SMG7: variants seen among roughly 807,000 people sequenced by gnomAD.
The protein encoded by SMG7 is nonsense-mediated mRNA decay factor SMG7.
A neutral mutation model predicts 148.2 loss-of-function variants in SMG7; 34 were observed. That is an observed-to-expected ratio of 0.23 (90% CI 0.17 to 0.31). SMG7 has a LOEUF of 0.31. Ranked by LOEUF, SMG7 falls within the 10% of genes least tolerant of loss-of-function variation. The probability of loss-of-function intolerance (pLI) is 1.00; values close to 1 mark genes in which losing one functional copy is unlikely to be tolerated. For missense variants in SMG7, 1,114 were observed against 1,408.4 expected (o/e 0.79, Z 3.35); for synonymous variants, 492 against 515.1 (o/e 0.96, Z 0.61).
chr1:183,510,159 A>G (rs1183890406), intron 1 of SMG7, among the ~76,000 whole-genome samples: 1 of 152,180 alleles, frequency 6.6e-6, no homozygotes, highest in East Asian at 1.9e-4. Flanking sequence ...AGGGAAGCAT[A>G]GTAAAGTATA....
At position 183,544,391 on chromosome 1, in the gene SMG7, T is replaced by C. The variant is rs1162127156; in HGVS notation, c.1881T>C (p.Ser627=). 12 of 1,613,906 alleles carry C rather than the reference T, an allele frequency of 7.4e-6. No homozygotes were observed. Among genetic ancestry groups the C allele is most frequent in the Non-Finnish European group, 1.0e-5 (12 of 1,179,838 alleles). Residue 627 remains serine, a synonymous_variant, in exon 15 of 23, where the codon TCT becomes TCC. Transcript: ENST00000688051. ...CAGAACTAAGAAAGACTCCAGTGTC[T>C]GAAGCCAGAAAAACACCTGTAACTC... ...SQTELRKTPV[S]EARKTPVTQT...
intron 15 of SMG7, 98 bp downstream of exon 15, chr1:183,544,595 A>G (rs1031903039): frequency 1.5e-6 from 2 of 1,292,496 alleles, no homozygotes; most frequent in South Asian, 2.8e-5. Flanking sequence ...TAATGTTACT[A>G]AGCCATAAAA....
chr1:183,506,577 G>T (rs576751034), intron 1 of SMG7, among the ~76,000 whole-genome samples: 32 of 151,276 alleles, frequency 2.1e-4, no homozygotes, highest in Non-Finnish European at 4.3e-4. Context: ...GAGAAATGCT[G>T]TTATTATCCC....
At chr1:183,537,755 A>G (rs915902575) in intron 11 of SMG7, among the ~76,000 whole-genome samples, 1 of 152,332 alleles carries the variant, frequency 6.6e-6, no homozygotes, top group African/African-American at 2.4e-5. Flanking sequence ...TTTTGAAAAC[A>G]TGACTTTTAC....
intron 1 of SMG7, chr1:183,501,224 T>C (rs1252663850): frequency 6.6e-6 from 1 of 152,166 alleles, no homozygotes; most frequent in Non-Finnish European, 1.5e-5. Context: ...TCCTAAGTGC[T>C]TTACTTCTGT....
intron 1 of SMG7, among the ~76,000 whole-genome samples, chr1:183,478,957 A>G (rs1391933118): frequency 6.6e-6 from 1 of 152,196 alleles, no homozygotes; most frequent in African/African-American, 2.4e-5. Flanking sequence ...CTGTATTGTT[A>G]TGAATAGACT....
intron 1 of SMG7, among the ~76,000 whole-genome samples, chr1:183,497,211 G>A (rs913371964): frequency 6.6e-6 from 1 of 152,204 alleles, no homozygotes; most frequent in African/African-American, 2.4e-5. Flanking sequence ...ATCAAGTTAA[G>A]TCTGACCTGC....
At chr1:183,516,884 G>A (rs1366983348) in intron 3 of SMG7, among the ~76,000 whole-genome samples, 2 of 152,202 alleles carry the variant, frequency 1.3e-5, no homozygotes, top group Admixed American at 1.3e-4. Context: ...AGAAGCTGAT[G>A]TTGATATAGA....
rs75979586 is a variant in SMG7 at position 183,533,809 on chromosome 1, G to T, written c.1140G>T (p.Glu380Asp). Reference protein sequence around the residue: ...WLRLRPRVFQEAVVDERQYIW... With the variant: ...WLRLRPRVFQDAVVDERQYIW... ...GACTCAGACCCAGGGTCTTTCAGGAGGCAGTGGTGGATGAAAGACAGTAGT... is the reference window on the plus strand; with the variant it reads ...GACTCAGACCCAGGGTCTTTCAGGATGCAGTGGTGGATGAAAGACAGTAGT... The change falls in exon 10 of 23, where the codon GAG becomes GAT. Residue 380 changes from glutamate to aspartate, a missense_variant. Physicochemically the swap from Glu to Asp is conservative, Grantham distance 45 (BLOSUM62 2). Transcript: ENST00000688051. 6.2e-6 allele frequency: 10 copies of T among 1,611,280 alleles called. No individual in the cohort carries two copies. In the East Asian group the frequency reaches 2.0e-4, roughly 32 times the overall value.
chr1:183,477,870 C>T (rs922089105), intron 1 of SMG7, among the ~76,000 whole-genome samples: 21 of 152,092 alleles, frequency 1.4e-4, no homozygotes, highest in South Asian at 4.1e-4. Context: ...ATAGTGAAGA[C>T]GCTGCATCTC....
chr1:183,493,454 A>G (rs984066081), intron 1 of SMG7, among the ~76,000 whole-genome samples: 16 of 152,254 alleles, frequency 1.1e-4, no homozygotes, highest in Middle Eastern at 3.4e-3. Flanking sequence ...CATATGTTCT[A>G]TCTTGGTGAA....
Position 183,553,197 on chromosome 1 carries a change from A to G in SMG7, c.*1266A>G. On this transcript the variant is annotated 3_prime_UTR_variant, in exon 23 of 23. Transcript: ENST00000688051. ...TTTTGGAAGAGACGAAAGAAAGGAA[A>G]ATAAACTCTTTGTATGATATTTATT... 2 of 1,535,034 alleles carry G rather than the reference A, an allele frequency of 1.3e-6. No homozygotes were observed. Among genetic ancestry groups the G allele is most frequent in the Non-Finnish European group, 8.7e-7 (1 of 1,145,792 alleles).
At chr1:183,480,304 C>G (rs901170721) in intron 1 of SMG7, among the ~76,000 whole-genome samples, 8 of 152,070 alleles carry the variant, frequency 5.3e-5, no homozygotes. Flanking sequence ...TTCTGTCCTT[C>G]TTTACCTTTG....
chr1:183,528,847 T>C (rs1424624174), intron 6 of SMG7, 45 bp from the exon 7 acceptor site: 24 of 1,502,850 alleles, frequency 1.6e-5, no homozygotes, highest in Non-Finnish European at 2.1e-5. Flanking sequence ...TAGCAAGACT[T>C]TGTCACTCTT....
At chr1:183,477,259 T>C (rs1652449278) in intron 1 of SMG7, among the ~76,000 whole-genome samples, 1 of 152,182 alleles carries the variant, frequency 6.6e-6, no homozygotes, top group Non-Finnish European at 1.5e-5. Context: ...CCTTCAACTT[T>C]CCTCCTTTTC....
chr1:183,522,746 T>G (rs1241904255), intron 4 of SMG7, among the ~76,000 whole-genome samples: 1 of 151,950 alleles, frequency 6.6e-6, no homozygotes, highest in African/African-American at 2.4e-5. Context: ...TTATCCACAG[T>G]AACATTTTCT....
intron 12 of SMG7, among the ~76,000 whole-genome samples, chr1:183,539,321 T>A (rs1433900578): frequency 1.3e-5 from 2 of 152,316 alleles, no homozygotes; most frequent in East Asian, 3.9e-4. Context: ...ATTTCCTTCC[T>A]TCATGAAACC....
intron 4 of SMG7, among the ~76,000 whole-genome samples, chr1:183,521,687 G>T (rs1242833816): frequency 2.0e-5 from 3 of 152,074 alleles, no homozygotes; most frequent in African/African-American, 7.2e-5. Context: ...GTAACGTGGT[G>T]AGACCCTATT....
In SMG7 at chr1:183,542,328, G is replaced by C; in HGVS notation, c.1668G>C (p.Val556=). The C allele has an allele frequency of 6.2e-7, 1 of 1,614,054 alleles. No homozygotes were observed. Among genetic ancestry groups the C allele is most frequent in the Non-Finnish European group, 8.5e-7 (1 of 1,179,986 alleles). ...TFKENIKTRE[V]NRDQGRSFPP... is the part of the protein sequence containing the mutation. Reference sequence around the variant, plus strand: ...AAGAAAACATTAAGACACGAGAAGTGAACAGAGACCAAGGAAGAAGTTTTC... The same window carrying C: ...AAGAAAACATTAAGACACGAGAAGTCAACAGAGACCAAGGAAGAAGTTTTC... The change falls in exon 14 of 23, where the codon GTG becomes GTC. Residue 556 remains valine, a synonymous_variant. Transcript: ENST00000688051.
Sources: allele counts gnomAD v4.1 joint callset (sites outside exome capture counted in the v4.1 genomes callset), GRCh38; gene constraint gnomAD v4.1.1; transcripts MANE v1.5; gene names NCBI Gene and HGNC (gene_info 2026-07-23, HGNC 2026-07-21).